BTNL8: variants seen among roughly 807,000 people sequenced by gnomAD.
BTNL8 encodes butyrophilin like 8.
A neutral mutation model predicts 36.1 loss-of-function variants in BTNL8; 22 were observed. That is an observed-to-expected ratio of 0.61 (90% CI 0.44 to 0.87). BTNL8 has a LOEUF of 0.87. Among genes scored for constraint, BTNL8 ranks in the 40% least tolerant of loss-of-function variants. BTNL8 has a pLI of 0.00. For missense variants in BTNL8, 526 were observed against 616.9 expected, an observed-to-expected ratio of 0.85 and a Z score of 1.56; for synonymous variants, 203 against 235.6, an observed-to-expected ratio of 0.86 and a Z score of 1.27.
intron 3 of BTNL8, among the ~76,000 whole-genome samples, chr5:180,943,674 A>G (rs1759095808): frequency 6.6e-6 from 1 of 152,206 alleles, no homozygotes; most frequent in Non-Finnish European, 1.5e-5. Flanking sequence ...ATTATGGAAA[A>G]CACTATGGAG....
At chr5:180,947,340 T>C (rs1228008511) in intron 3 of BTNL8, among the ~76,000 whole-genome samples, 172 bp from the exon 4 acceptor site, 4 of 152,210 alleles carry the variant, frequency 2.6e-5, no homozygotes, top group Non-Finnish European at 5.9e-5. Context: ...GAAAATTAAA[T>C]AGAACCACTA....
At chr5:180,913,191 C>T (rs1009078804) in intron 3 of BTNL8, among the ~76,000 whole-genome samples, 1 of 152,114 alleles carries the variant, frequency 6.6e-6, no homozygotes, top group African/African-American at 2.4e-5. Context: ...GACATTGAGC[C>T]TCAAATGCTG....
intron 3 of BTNL8, among the ~76,000 whole-genome samples, chr5:180,917,701 T>A (rs1181871387): frequency 6.6e-6 from 1 of 152,220 alleles, no homozygotes; most frequent in African/African-American, 2.4e-5. Flanking sequence ...ATGGCTCTGC[T>A]GGTGAATTCT....
chr5:180,935,089 G>A lies in BTNL8; in HGVS notation c.674-12423G>A, dbSNP rs1057105376. ...CTTCATAGTCCTGATGTCTGTCTGA[G>A]TCTAGGGGTTTTTATGGGCCCAGAA... On this transcript the variant is annotated intron_variant, in intron 3 of 7. Coordinates refer to ENST00000340184, the MANE Select transcript of BTNL8 (RefSeq NM_001040462.3). This position sits in a 1 kb window ranked among gnomAD's most constrained non-coding sequence, Gnocchi z 4.8. Among the ~76,000 whole-genome samples, 2 of 152,176 alleles carry A rather than the reference G, an allele frequency of 1.3e-5. No individual in the cohort carries two copies. The highest frequency in any genetic ancestry group is 4.8e-5 in the African/African-American group (2 of 41,426).
intron 3 of BTNL8, among the ~76,000 whole-genome samples, chr5:180,926,220 G>A (rs140906733): frequency 1.3e-5 from 2 of 152,204 alleles, no homozygotes; most frequent in Non-Finnish European, 2.9e-5. Context: ...GAAGTGCAAG[G>A]GGTTGGGGAA....
At chr5:180,901,008 G>A (rs964141098) in intron 1 of BTNL8, among the ~76,000 whole-genome samples, 1 of 152,206 alleles carries the variant, frequency 6.6e-6, no homozygotes, top group Non-Finnish European at 1.5e-5. Flanking sequence ...CAGGGACGGA[G>A]CTGTCAGCAG....
At chr5:180,924,437 AC>A (rs77715528) in intron 3 of BTNL8, among the ~76,000 whole-genome samples, 35,963 of 152,116 alleles carry the variant, frequency 0.24, 4,946 homozygotes, top group Admixed American at 0.3. Flanking sequence ...ATTCCAAACA[AC>A]AGTACCATCT....
rs376109963 is a variant in BTNL8 at position 180,950,553 on chromosome 5, A to C, written c.*9A>C. 2.1e-6 allele frequency: 3 copies of C among 1,459,664 alleles called. No individual in the cohort carries two copies. The highest frequency in any genetic ancestry group is 2.8e-6 in the Non-Finnish European group (3 of 1,057,998). 90.4% of individuals were successfully genotyped at this position (1,459,664 alleles called of 1,614,324 possible). A position where few individuals can be genotyped will look rare whatever the true frequency, so the allele number is the denominator to read the frequency against. On this transcript the variant is annotated 3_prime_UTR_variant, in exon 8 of 8. Coordinates refer to ENST00000340184, the MANE Select transcript of BTNL8 (RefSeq NM_001040462.3). Reference sequence around the variant, plus strand: ...CCAGGGGTGAAATGTAGGATGAATCACATCCCACATTCTTCTTTAGGGATA... The same window carrying C: ...CCAGGGGTGAAATGTAGGATGAATCCCATCCCACATTCTTCTTTAGGGATA...
intron 3 of BTNL8, among the ~76,000 whole-genome samples, chr5:180,930,407 G>C (rs1455301940): frequency 6.6e-6 from 1 of 152,186 alleles, no homozygotes; most frequent in Non-Finnish European, 1.5e-5. Context: ...CACAAGACAA[G>C]GATGTCCTCT....
At chr5:180,932,696 A>C (rs911283120) in intron 3 of BTNL8, among the ~76,000 whole-genome samples, 1 of 152,200 alleles carries the variant, frequency 6.6e-6, no homozygotes, top group African/African-American at 2.4e-5. Context: ...CACAAACAAT[A>C]AAAAACAAAG....
intron 3 of BTNL8, among the ~76,000 whole-genome samples, chr5:180,946,903 G>A (rs561044857): frequency 1.3e-5 from 2 of 152,224 alleles, no homozygotes; most frequent in South Asian, 4.1e-4. Flanking sequence ...TTAAATAATA[G>A]TAATAAAAGG....
chr5:180,908,236 G>A (rs1368306492), intron 1 of BTNL8, among the ~76,000 whole-genome samples: 4 of 152,182 alleles, frequency 2.6e-5, no homozygotes, highest in African/African-American at 9.6e-5. Context: ...TAAGCCCATC[G>A]GAAAAGCGCA....
chr5:180,905,897 A>C (rs1321038346), intron 1 of BTNL8, among the ~76,000 whole-genome samples: 4 of 147,386 alleles, frequency 2.7e-5, no homozygotes, highest in African/African-American at 1.0e-4. Context: ...ATAGTTTGTT[A>C]TAATTTCTGT....
chr5:180,912,192 G>A (rs899274115), intron 3 of BTNL8, among the ~76,000 whole-genome samples: 2 of 152,122 alleles, frequency 1.3e-5, no homozygotes, highest in African/African-American at 4.8e-5. Context: ...TGAGCCTGCG[G>A]ACTTTTGGAC....
At chr5:180,908,230 C>T (rs1427274297) in intron 1 of BTNL8, among the ~76,000 whole-genome samples, 2 of 152,170 alleles carry the variant, frequency 1.3e-5, no homozygotes, top group Non-Finnish European at 2.9e-5. Flanking sequence ...GTTTCTTAAG[C>T]CCATCGGAAA....
intron 3 of BTNL8, among the ~76,000 whole-genome samples, chr5:180,919,582 G>A (rs1456747453): frequency 1.3e-5 from 2 of 152,130 alleles, no homozygotes; most frequent in East Asian, 3.8e-4. Context: ...TTAATAAAAA[G>A]CAACCAAATC....
chr5:180,916,830 G>C (rs1031512837), intron 3 of BTNL8, among the ~76,000 whole-genome samples: 3 of 152,230 alleles, frequency 2.0e-5, no homozygotes, highest in Non-Finnish European at 4.4e-5. Context: ...ATGCTACTCA[G>C]AATGGTGTGC....
At position 180,930,362 on chromosome 5, in the gene BTNL8, G is replaced by A. The variant is rs995892363; in HGVS notation, c.674-17150G>A. Among the ~76,000 whole-genome samples, 7 of 152,128 alleles carry A rather than the reference G, an allele frequency of 4.6e-5. No homozygotes were observed. In the South Asian group the frequency reaches 6.2e-4, roughly 14 times the overall value. ...ACCCACAGCCAATATAATACTGAATGGGCAAAAACTGGAAGCATTCCCTTT... is the reference window on the plus strand; with the variant it reads ...ACCCACAGCCAATATAATACTGAATAGGCAAAAACTGGAAGCATTCCCTTT... On this transcript the variant is annotated intron_variant, in intron 3 of 7. Transcript: ENST00000340184.
chr5:180,926,023 C>A (rs1216025273), intron 3 of BTNL8, among the ~76,000 whole-genome samples: 1 of 152,172 alleles, frequency 6.6e-6, no homozygotes, highest in Non-Finnish European at 1.5e-5. Context: ...CCACAGCAGG[C>A]GGTGGCTGGC....
Sources: allele counts gnomAD v4.1 joint callset (sites outside exome capture counted in the v4.1 genomes callset), GRCh38; gene constraint gnomAD v4.1.1; non-coding constraint Gnocchi (gnomAD v3.1); transcripts MANE v1.5; gene names NCBI Gene and HGNC (gene_info 2026-07-23, HGNC 2026-07-21).